CAMSAP1: variants seen among roughly 807,000 people sequenced by gnomAD.
The protein encoded by CAMSAP1 is calmodulin-regulated spectrin-associated protein 1.
A neutral mutation model predicts 143.5 loss-of-function variants in CAMSAP1; 58 were observed. The ratio of observed to expected loss-of-function variants is 0.40; its 90% CI spans 0.33 to 0.50. CAMSAP1 has a LOEUF of 0.50. CAMSAP1 is among the 20% of genes least tolerant of loss of function. CAMSAP1 has a pLI of 0.45. For missense variants in CAMSAP1, 1,969 were observed against 2,115.7 expected, an observed-to-expected ratio of 0.93 and a Z score of 1.36; for synonymous variants, 945 against 859.3, an observed-to-expected ratio of 1.10 and a Z score of -1.74.
Position 135,823,230 on chromosome 9 carries a change from T to G in CAMSAP1, c.1431A>C (p.Leu477=). The change falls in exon 11 of 17, where the codon CTA becomes CTC. Residue 477 remains leucine, a synonymous_variant. Transcript: ENST00000389532. ...CCACTTCACAACTCGCAGCGTGATGTAGAGCAAAAGGTGTTGGCTGGGACG... is the reference window on the plus strand; with the variant it reads ...CCACTTCACAACTCGCAGCGTGATGGAGAGCAAAAGGTGTTGGCTGGGACG... The part of the protein sequence containing the change: ...RPASQPTPFA[L]HHAASCEVDP... 1 of 1,566,088 alleles carries G rather than the reference T, an allele frequency of 6.4e-7. No individual in the cohort carries two copies. The highest frequency in any genetic ancestry group is 1.2e-5 in the South Asian group (1 of 81,674).
Position 135,818,175 on chromosome 9 carries a change from C to T in CAMSAP1, c.4169-96G>A. ...GTTCCCCTCACCTCGCCCTGCAGAG[C>T]TCGGCCACACAGGCCGCGTCCCCAC... On this transcript the variant is annotated intron_variant, in intron 13 of 16. Transcript: ENST00000389532. The surrounding 1 kb of genome is among the most constrained non-coding windows in gnomAD (Gnocchi z 7.7). The T allele has an allele frequency of 7.5e-7, 1 of 1,340,152 alleles. No individual in the cohort carries two copies. Among genetic ancestry groups the T allele is most frequent in the Non-Finnish European group, 1.0e-6 (1 of 964,264 alleles). The allele number at this position is 1,340,152 out of a possible 1,614,324, so 83.0% of individuals were successfully genotyped here.
At chr9:135,874,464 C>A (rs1425524760) in intron 3 of CAMSAP1, among the ~76,000 whole-genome samples, 1 of 127,280 alleles carries the variant, frequency 7.9e-6, no homozygotes, top group Non-Finnish European at 1.7e-5. Flanking sequence ...CAGGGTGAGA[C>A]CCTGTCTCAA....
rs149248962 is a variant in CAMSAP1, at chr9:135,836,996, ACTTT to A, written c.1046-9416_1046-9413del. 288 of 950,108 alleles carry A rather than the reference ACTTT, an allele frequency of 3.0e-4. No individual in the cohort carries two copies. The South Asian group carries it at 8.3e-3, about 27-fold the overall frequency. 58.9% of individuals were successfully genotyped at this position (950,108 alleles called of 1,614,324 possible). A position where few individuals can be genotyped will look rare whatever the true frequency, so the allele number is the denominator to read the frequency against. On this transcript the variant is annotated intron_variant, in intron 7 of 16. Coordinates refer to ENST00000389532, the MANE Select transcript of CAMSAP1 (RefSeq NM_015447.4). The stretch of plus-strand genomic sequence containing the variant: ...ATTCTACAGACACACATCATCACGC[ACTTT>A]CTACCTGTTCTAGAGACACACGTCA...
intron 1 of CAMSAP1, among the ~76,000 whole-genome samples, chr9:135,890,033 G>A (rs1838239039): frequency 6.6e-6 from 1 of 152,192 alleles, no homozygotes. Context: ...GAGCATGGGA[G>A]GCCCCTCGGG....
intron 7 of CAMSAP1, chr9:135,836,949 C>T (rs1206919880): frequency 5.1e-6 from 5 of 982,308 alleles, no homozygotes; most frequent in African/African-American, 1.8e-5. Context: ...TACAGACACA[C>T]GTCACCACAC....
intron 16 of CAMSAP1, among the ~76,000 whole-genome samples, chr9:135,813,063 A>C (rs1204631044): frequency 6.6e-6 from 1 of 152,224 alleles, no homozygotes; most frequent in East Asian, 1.9e-4. Context: ...TGTTTTGGTA[A>C]CTTTTAAAAA....
At chr9:135,858,262 T>C (rs116771702) in intron 5 of CAMSAP1, among the ~76,000 whole-genome samples, 2,011 of 152,244 alleles carry the variant, frequency 0.013, 37 homozygotes, top group African/African-American at 0.046. Flanking sequence ...ATTCTCCTTG[T>C]TTGGGAGTGA....
At chr9:135,889,788 C>T (rs1838231595) in intron 1 of CAMSAP1, among the ~76,000 whole-genome samples, 1 of 152,216 alleles carries the variant, frequency 6.6e-6, no homozygotes, top group African/African-American at 2.4e-5. Context: ...AGCACAAACT[C>T]TAAGGCCAGA....
At position 135,901,552 on chromosome 9, in the gene CAMSAP1, C is replaced by A. The variant is rs77822153; in HGVS notation, c.160+5448G>T. Among the ~76,000 whole-genome samples the A allele has an allele frequency of 5.4e-3, 816 of 152,160 alleles. 8 individuals carry two copies. The highest frequency in any genetic ancestry group is 0.035 in the East Asian group (179 of 5,178). Reference sequence around the variant, plus strand: ...TCACTTGAGCTCAAGGAGGTCAAGGCTGCAGTAAGCTGTGATCATGCCACT... The same window carrying A: ...TCACTTGAGCTCAAGGAGGTCAAGGATGCAGTAAGCTGTGATCATGCCACT... On this transcript the variant is annotated intron_variant, in intron 1 of 16. Coordinates refer to ENST00000389532, the MANE Select transcript of CAMSAP1 (RefSeq NM_015447.4).
chr9:135,855,845 G>A (rs1246348564), intron 5 of CAMSAP1, among the ~76,000 whole-genome samples: 4 of 151,896 alleles, frequency 2.6e-5, no homozygotes, highest in Non-Finnish European at 4.4e-5. Context: ...AAGGTCAGGA[G>A]ATCAAGACCA....
In CAMSAP1 at chr9:135,810,666, T is replaced by C. The variant is rs1278212431; in HGVS notation, c.*643A>G. ...TCGGTGCTTTTAGTGAACTGGTGTT[T>C]TCCGTAAACTTTTTCTGAGCAGCAA... On this transcript the variant is annotated 3_prime_UTR_variant, in exon 17 of 17. Coordinates refer to ENST00000389532, the MANE Select transcript of CAMSAP1 (RefSeq NM_015447.4). 1 of 152,646 alleles carries C rather than the reference T, an allele frequency of 6.6e-6. No individual in the cohort carries two copies. The highest frequency in any genetic ancestry group is 2.4e-5 in the African/African-American group (1 of 41,436). 9.5% of individuals were successfully genotyped at this position (152,646 alleles called of 1,614,324 possible). A position where few individuals can be genotyped will look rare whatever the true frequency, so the allele number is the denominator to read the frequency against.
At position 135,821,180 on chromosome 9, in the gene CAMSAP1, G is replaced by T. The variant is rs1391739424; in HGVS notation, c.3481C>A (p.His1161Asn). 1 of 1,610,534 alleles carries T rather than the reference G, an allele frequency of 6.2e-7. No individual in the cohort carries two copies. Among genetic ancestry groups the T allele is most frequent in the Non-Finnish European group, 8.5e-7 (1 of 1,179,874 alleles). ...DSALEPSGDP[H>N]GKCLFDSYRL... is the part of the protein sequence containing the mutation. Reference sequence around the variant, plus strand: ...TAACTGTCGAAGAGACACTTCCCATGTGGGTCACCACTGGGCTCCAGGGCA... The same window carrying T: ...TAACTGTCGAAGAGACACTTCCCATTTGGGTCACCACTGGGCTCCAGGGCA... Residue 1161 changes from histidine to asparagine, a missense_variant, in exon 11 of 17, where the codon CAT (histidine) becomes AAT (asparagine). His to Asn is a moderately conservative substitution (Grantham distance 68). Coordinates refer to ENST00000389532, the MANE Select transcript of CAMSAP1 (RefSeq NM_015447.4). The surrounding 1 kb of genome is among the most constrained non-coding windows in gnomAD (Gnocchi z 4.6).
At position 135,822,939 on chromosome 9, in the gene CAMSAP1, C is replaced by G. The variant is rs764966811; in HGVS notation, c.1722G>C (p.Arg574=). 6.2e-7 allele frequency: 1 copy of G among 1,613,916 alleles called. No homozygotes were observed. The highest frequency in any genetic ancestry group is 8.5e-7 in the Non-Finnish European group (1 of 1,179,874). Residue 574 remains arginine (R), a synonymous_variant, in exon 11 of 17, where the codon CGG becomes CGC. Coordinates refer to ENST00000389532, the MANE Select transcript of CAMSAP1 (RefSeq NM_015447.4). This position sits in a 1 kb window ranked among gnomAD's most constrained non-coding sequence, Gnocchi z 6.1. The part of the protein sequence containing the change: ...PRALGLTANA[R]SPQGQLDTSE... ...AGGTGTCCAGCTGTCCTTGGGGAGACCGGGCATTTGCTGTAAGGCCTAAGG... is the reference window on the plus strand; with the variant it reads ...AGGTGTCCAGCTGTCCTTGGGGAGAGCGGGCATTTGCTGTAAGGCCTAAGG...
At chr9:135,886,565 G>C (rs376616458) in intron 1 of CAMSAP1, among the ~76,000 whole-genome samples, 4 of 152,252 alleles carry the variant, frequency 2.6e-5, no homozygotes, top group Non-Finnish European at 4.4e-5. Context: ...CCAGGCTCTT[G>C]TGCGTGCCTG....
chr9:135,839,189 GCTT>G lies in CAMSAP1; in HGVS notation c.1045+10945_1045+10947del, dbSNP rs1345366499. Among the ~76,000 whole-genome samples, 6 of 152,310 alleles carry G rather than the reference GCTT, an allele frequency of 3.9e-5. No individual in the cohort carries two copies. The East Asian group carries it at 1.2e-3, about 29-fold the overall frequency. ...AAACTGATTCATCCTTCCCATACAA[GCTT>G]CTTCTCTCCCTGCCTCCCTGCTGAT... On this transcript the variant is annotated intron_variant, in intron 7 of 16. Coordinates refer to ENST00000389532, the MANE Select transcript of CAMSAP1 (RefSeq NM_015447.4).
rs3739464 is a variant in CAMSAP1 at position 135,815,228 on chromosome 9, G to A, written c.4388-13C>T. The A allele has an allele frequency of 0.12, 180,911 of 1,560,112 alleles. 12,710 individuals are homozygous for A. The highest frequency in any genetic ancestry group is 0.37 in the East Asian group (16,321 of 44,446). The stretch of plus-strand genomic sequence containing the variant: ...AAGAGCTTGGGACCTAAGAAACGAG[G>A]CCAGGGTTGGTAAAATTATTATTTT... On this transcript the variant is annotated splice_polypyrimidine_tract_variant and intron_variant, in intron 15 of 16. Coordinates refer to ENST00000389532, the MANE Select transcript of CAMSAP1 (RefSeq NM_015447.4).
chr9:135,859,323 C>T (rs1182166156), intron 5 of CAMSAP1, among the ~76,000 whole-genome samples: 3 of 152,226 alleles, frequency 2.0e-5, no homozygotes, highest in Non-Finnish European at 4.4e-5. Context: ...AAATGATCTG[C>T]TTTATCAATC....
chr9:135,849,361 T>A (rs1206572496), intron 7 of CAMSAP1, among the ~76,000 whole-genome samples: 1 of 152,318 alleles, frequency 6.6e-6, no homozygotes, highest in South Asian at 2.1e-4. Flanking sequence ...TGCACCACGG[T>A]GAAGCTGAAA....
chr9:135,854,347 G>C (rs1176051859), intron 5 of CAMSAP1, among the ~76,000 whole-genome samples: 2 of 152,162 alleles, frequency 1.3e-5, no homozygotes, highest in African/African-American at 4.8e-5. Flanking sequence ...CTGAATTCTT[G>C]ATCAGTCTTT....
Sources: gnomAD v4.1 joint callset for allele counts (sites outside exome capture counted in the v4.1 genomes callset) on GRCh38, gnomAD v4.1.1 for gene constraint, Gnocchi (gnomAD v3.1) non-coding constraint, MANE v1.5 for transcripts, NCBI Gene and HGNC (gene_info 2026-07-23, HGNC 2026-07-21) for gene names.